The following SLC19A1 variants were observed in gnomAD, a reference collection of about 807,000 sequenced individuals.
The protein encoded by SLC19A1 is solute carrier family 19 member 1, also known as reduced folate transporter.
SLC19A1 carries 37 observed loss-of-function variants against 35.3 expected under a neutral mutation model. That is an observed-to-expected ratio of 1.05 (90% CI 0.81 to 1.38). SLC19A1 has a LOEUF of 1.38. Ranked by LOEUF, SLC19A1 falls within the 40% of genes most tolerant of loss-of-function variation. The pLI, the probability that SLC19A1 is intolerant of heterozygous loss-of-function variation, is 0.00. For missense variants in SLC19A1, 831 were observed against 826.9 expected (o/e 1.00, Z -0.06); for synonymous variants, 460 against 398.5 (o/e 1.15, Z -1.84).
At chr21:45,506,545 C>A in intron 3 of SLC19A1, 1 of 200,202 alleles carries the variant, frequency 5.0e-6, no homozygotes. Flanking sequence ...AGTGGCCGCT[C>A]TGATCCAGGT....
intron 2 of SLC19A1, among the ~76,000 whole-genome samples, chr21:45,537,378 G>A (rs928106486): frequency 5.9e-5 from 9 of 152,160 alleles, no homozygotes; most frequent in African/African-American, 1.4e-4. Flanking sequence ...CAGGAAAAGC[G>A]CCCTGGCCCC....
downstream of SLC19A1, chr21:45,512,078 C>G (rs2037643830): frequency 8.1e-7 from 1 of 1,234,322 alleles, no homozygotes; most frequent in Non-Finnish European, 1.2e-6. Flanking sequence ...CTGCAGCCCC[C>G]TGGTAACCCC....
At chr21:45,519,962 T>C (rs1367652450) in intron 5 of SLC19A1, among the ~76,000 whole-genome samples, 2 of 152,172 alleles carry the variant, frequency 1.3e-5, no homozygotes, top group African/African-American at 4.8e-5. Context: ...TTCTGGGTCA[T>C]AAGACAAATC....
In SLC19A1 at chr21:45,530,569, G is replaced by A. The variant is rs1568996882; in HGVS notation, c.1151+201C>T. Among the ~76,000 whole-genome samples, 1 of 152,148 alleles carries A rather than the reference G, an allele frequency of 6.6e-6. No homozygotes were observed. Among genetic ancestry groups the A allele is most frequent in the Non-Finnish European group, 1.5e-5 (1 of 67,992 alleles). The stretch of plus-strand genomic sequence containing the variant: ...CAGAGAGGAGCGTGGAGGGCCTGGG[G>A]GAGCAGCAAGACGGCACAGGAAGGG... On this transcript the variant is annotated intron_variant, in intron 4 of 5. Transcript: ENST00000311124. The surrounding 1 kb of genome is among the most constrained non-coding windows in gnomAD (Gnocchi z 5.3).
chr21:45,544,422 A>C (rs1265497148), upstream of SLC19A1: 1 of 155,334 alleles, frequency 6.4e-6, no homozygotes, highest in African/African-American at 2.4e-5. Flanking sequence ...GGCCACAGAC[A>C]GTGGGGCGTG....
Position 45,537,908 on chromosome 21 carries a change from G to T in SLC19A1, c.52C>A (p.Pro18Thr). 6.3e-7 allele frequency: 1 copy of T among 1,595,222 alleles called. No homozygotes were observed. The part of the protein sequence containing the change: ...VEKQVPVEPG[P>T]DPELRSWRHL... ...CGCCAGGACCGGAGCTCGGGGTCAGGCCCAGGTTCCACGGGCACCTGCTTC... is the reference window on the plus strand; with the variant it reads ...CGCCAGGACCGGAGCTCGGGGTCAGTCCCAGGTTCCACGGGCACCTGCTTC... The change falls in exon 2 of 6, where the codon CCT (proline) becomes ACT (threonine). Residue 18 changes from proline (P) to threonine (T), a missense_variant. Pro to Thr is a conservative substitution (Grantham distance 38, BLOSUM62 -1). Coordinates refer to ENST00000311124, the MANE Select transcript of SLC19A1 (RefSeq NM_194255.4).
At chr21:45,510,804 G>A (rs564426083), downstream of SLC19A1, among the ~76,000 whole-genome samples, 9 of 152,216 alleles carry the variant, frequency 5.9e-5, no homozygotes, top group South Asian at 8.3e-4. Context: ...GTGGCCTGGC[G>A]TTAGGGGACA....
intron 3 of SLC19A1, chr21:45,505,266 C>A: frequency 6.2e-7 from 1 of 1,607,752 alleles, no homozygotes; most frequent in Middle Eastern, 1.7e-4. Context: ...ATTTCCTGGC[C>A]CTCACAGGCA....
Position 45,525,925 on chromosome 21 carries a change from G to T in SLC19A1, c.1185C>A (p.Leu395=), listed in dbSNP as rs372924981. The T allele has an allele frequency of 1.1e-5, 17 of 1,613,616 alleles. No individual in the cohort carries two copies. The highest frequency in any genetic ancestry group is 1.4e-5 in the Non-Finnish European group (16 of 1,179,960). ...TGTTGACCCCGAAGACCAGGGCACAGAGCTCTTTAGACAGAGAAGATGCAA... is the reference window on the plus strand; with the variant it reads ...TGTTGACCCCGAAGACCAGGGCACATAGCTCTTTAGACAGAGAAGATGCAA... ...FQIASSLSKE[L]CALVFGVNTF... Residue 395 remains leucine (L), a synonymous_variant, in exon 5 of 6, where the codon CTC becomes CTA. Coordinates refer to ENST00000311124, the MANE Select transcript of SLC19A1 (RefSeq NM_194255.4).
intron 1 of SLC19A1, among the ~76,000 whole-genome samples, chr21:45,552,350 C>T (rs546050493): frequency 4.7e-4 from 71 of 152,228 alleles, no homozygotes; most frequent in African/African-American, 1.6e-3. Context: ...AGGGAAAGAA[C>T]AAAACTGCCC....
At chr21:45,560,669 A>G (rs1355296598) in intron 1 of SLC19A1, among the ~76,000 whole-genome samples, 1 of 152,228 alleles carries the variant, frequency 6.6e-6, no homozygotes, top group Non-Finnish European at 1.5e-5. Context: ...GGGAATGAGG[A>G]TTTGAAGGAC....
intron 3 of SLC19A1, 47 bp from the exon 4 acceptor site, chr21:45,531,018 G>C: frequency 7.5e-7 from 1 of 1,332,458 alleles, no homozygotes; most frequent in Non-Finnish European, 9.8e-7. Flanking sequence ...GGGGGCCACG[G>C]GGCAGGGGGA....
chr21:45,515,294 G>A lies in SLC19A1; in HGVS notation c.*364C>T, dbSNP rs907461251. 4 of 1,477,938 alleles carry A rather than the reference G, an allele frequency of 2.7e-6. No individual in the cohort carries two copies. Among genetic ancestry groups the A allele is most frequent in the African/African-American group, 1.4e-5 (1 of 69,950 alleles). The allele number at this position is 1,477,938 out of a possible 1,614,324, so 91.6% of individuals were successfully genotyped here. Reference sequence around the variant, plus strand: ...GGCTCACAACTCCTGTGGGGCCAGTGTCCCCTGAGCTGGTATCCAAGAGGC... The same window carrying A: ...GGCTCACAACTCCTGTGGGGCCAGTATCCCCTGAGCTGGTATCCAAGAGGC... On this transcript the variant is annotated 3_prime_UTR_variant, in exon 6 of 6. Transcript: ENST00000311124.
chr21:45,503,661 A>G (rs1259272368), intron 3 of SLC19A1, among the ~76,000 whole-genome samples: 4 of 148,284 alleles, frequency 2.7e-5, no homozygotes, highest in Admixed American at 6.7e-5. Flanking sequence ...GGGGAGGGAT[A>G]GCATTGGGAG....
chr21:45,530,740 C>A lies in SLC19A1; in HGVS notation c.1151+30G>T. On this transcript the variant is annotated intron_variant, in intron 4 of 5. Transcript: ENST00000311124. This position sits in a 1 kb window ranked among gnomAD's most constrained non-coding sequence, Gnocchi z 5.3. ...GGGGCTTGATCCTGGCGCCTGCCCG[C>A]CCCCGGCTTCCCACCCTTCTGGAAC... The A allele has an allele frequency of 6.5e-7, 1 of 1,543,432 alleles. No homozygotes were observed. Among genetic ancestry groups the A allele is most frequent in the Non-Finnish European group, 8.8e-7 (1 of 1,142,736 alleles).
At chr21:45,511,116 G>C (rs1447453546), downstream of SLC19A1, 1 of 1,566,146 alleles carries the variant, frequency 6.4e-7, no homozygotes, top group Non-Finnish European at 8.7e-7. Flanking sequence ...TCCAGGACGA[G>C]CTGCTGTTTC....
downstream of SLC19A1, chr21:45,510,099 C>A (rs376208451): frequency 5.0e-6 from 8 of 1,589,398 alleles, no homozygotes; most frequent in Admixed American, 3.5e-5. Flanking sequence ...CCCTGTCAGG[C>A]GGCATGCGGG....
At chr21:45,504,110 G>A (rs945474768) in intron 3 of SLC19A1, 3 of 1,582,218 alleles carry the variant, frequency 1.9e-6, no homozygotes, top group African/African-American at 1.3e-5. Flanking sequence ...ATCCCGCTGG[G>A]TGGCTGCTCC....
In SLC19A1 at chr21:45,512,598, A is replaced by T; in HGVS notation, c.*3060T>A. 1 of 623,974 alleles carries T rather than the reference A, an allele frequency of 1.6e-6. No homozygotes were observed. The highest frequency in any genetic ancestry group is 2.8e-6 in the Non-Finnish European group (1 of 357,888). 38.7% of individuals were successfully genotyped at this position (623,974 alleles called of 1,614,324 possible). ...TTTAAAAGTTTAAAACAGAAGCCTG[A>T]TGCTGACATTCACCTGCCCCAACTC... On this transcript the variant is annotated 3_prime_UTR_variant, in exon 6 of 6. Coordinates refer to ENST00000311124, the MANE Select transcript of SLC19A1 (RefSeq NM_194255.4).
Sources: gnomAD v4.1 joint callset for allele counts (sites outside exome capture counted in the v4.1 genomes callset) on GRCh38, gnomAD v4.1.1 for gene constraint, Gnocchi (gnomAD v3.1) non-coding constraint, MANE v1.5 for transcripts, NCBI Gene and HGNC (gene_info 2026-07-23, HGNC 2026-07-21) for gene names.